The following CSMD1 variants were observed in gnomAD, a reference collection of about 807,000 sequenced individuals.
The protein encoded by CSMD1 is CUB and Sushi multiple domains 1, also known as CUB and sushi domain-containing protein 1.
In CSMD1, 213 loss-of-function variants were observed where a neutral mutation model predicts 417.5. The ratio of observed to expected loss-of-function variants is 0.51; its 90% CI spans 0.46 to 0.57. CSMD1 has a LOEUF of 0.57. Among genes scored for constraint, CSMD1 ranks in the 20% least tolerant of loss-of-function variants. The pLI is 0.00. For synonymous variants in CSMD1, 2,862 were observed against 1,736.8 expected (o/e 1.65, Z -16.11); for missense variants, 6,923 against 4,529.7 (o/e 1.53, Z -15.17).
At chr8:4,748,569 G>A (rs767889409) in intron 1 of CSMD1, among the ~76,000 whole-genome samples, 43 of 152,278 alleles carry the variant, frequency 2.8e-4, no homozygotes, top group African/African-American at 9.1e-4. Flanking sequence ...GGATTATTGG[G>A]TTCAGCATTC....
rs115827746 is a variant in CSMD1, at chr8:3,512,299, G to C, written c.1345-18573C>G. 2.0e-4 allele frequency among the ~76,000 whole-genome samples: 30 copies of C among 152,330 alleles called. No individual in the cohort carries two copies. In the East Asian group the frequency reaches 5.8e-3, roughly 29 times the overall value. On this transcript the variant is annotated intron_variant, in intron 10 of 69. Transcript: ENST00000635120. ...GAAGCATTCTTGAAGATGCAGTGCTGAGTTTAGCAACTTATTTGTTCTATA... is the reference window on the plus strand; with the variant it reads ...GAAGCATTCTTGAAGATGCAGTGCTCAGTTTAGCAACTTATTTGTTCTATA...
rs143893862 is a variant in CSMD1 at position 3,620,471 on chromosome 8, C to T, written c.1010-3674G>A. 7.2e-5 allele frequency among the ~76,000 whole-genome samples: 11 copies of T among 152,132 alleles called. No homozygotes were observed. The East Asian group carries it at 7.8e-4, about 11-fold the overall frequency. On this transcript the variant is annotated intron_variant, in intron 7 of 69. Coordinates refer to ENST00000635120, the MANE Select transcript of CSMD1 (RefSeq NM_033225.6). ...AATGCATAAAATAATTATGCATTTA[C>T]GCTAATAGTTACATTATATATAAAG...
At chr8:4,406,599 A>G (rs529238310) in intron 3 of CSMD1, among the ~76,000 whole-genome samples, 7 of 152,144 alleles carry the variant, frequency 4.6e-5, no homozygotes, top group Non-Finnish European at 1.0e-4. Context: ...TAAGACACCC[A>G]CACCAAGGAA....
chr8:4,825,493 G>A lies in CSMD1; in HGVS notation c.85+168839C>T, dbSNP rs141567705. 3.1e-3 allele frequency among the ~76,000 whole-genome samples: 474 copies of A among 152,034 alleles called. 1 individual carries two copies. Among genetic ancestry groups the A allele is most frequent in the African/African-American group, 0.011 (458 of 41,484 alleles). On this transcript the variant is annotated intron_variant, in intron 1 of 69. Coordinates refer to ENST00000635120, the MANE Select transcript of CSMD1 (RefSeq NM_033225.6). ...GAAACTTTATACCTCTTGAAAGATC[G>A]CCCGATTTTTCCTTCCCCTGGCCCC... is the stretch of plus-strand genomic sequence containing the variant.
At chr8:3,911,984 C>T (rs868569474) in intron 5 of CSMD1, among the ~76,000 whole-genome samples, 16 of 152,060 alleles carry the variant, frequency 1.1e-4, no homozygotes, top group Middle Eastern at 3.4e-3. Flanking sequence ...TTTCCTGAAC[C>T]GATAAAAATA....
chr8:4,911,277 A>G (rs147709046), intron 1 of CSMD1, among the ~76,000 whole-genome samples: 1 of 152,338 alleles, frequency 6.6e-6, no homozygotes, highest in East Asian at 1.9e-4. Context: ...ATTTCTGCCT[A>G]TACATACTGG....
chr8:4,250,397 G>T (rs1358406472), intron 3 of CSMD1, among the ~76,000 whole-genome samples: 2 of 152,112 alleles, frequency 1.3e-5, no homozygotes, highest in Admixed American at 1.3e-4. Flanking sequence ...ATAAGATGCT[G>T]GTTGAGGATC....
At chr8:4,910,682 T>C (rs904574253) in intron 1 of CSMD1, among the ~76,000 whole-genome samples, 1 of 152,176 alleles carries the variant, frequency 6.6e-6, no homozygotes, top group Non-Finnish European at 1.5e-5. Flanking sequence ...GGCACAAACA[T>C]TCAGTCATAG....
At chr8:3,872,286 G>A (rs568699972) in intron 5 of CSMD1, among the ~76,000 whole-genome samples, 61 of 152,192 alleles carry the variant, frequency 4.0e-4, no homozygotes, top group Non-Finnish European at 8.1e-4. Context: ...TCAGGTTTGG[G>A]GTCACCCTGT....
chr8:3,536,574 T>C (rs185058690), intron 10 of CSMD1, among the ~76,000 whole-genome samples: 1 of 152,200 alleles, frequency 6.6e-6, no homozygotes, highest in Non-Finnish European at 1.5e-5. Flanking sequence ...AATTCAGTAC[T>C]TGGTAGTCAC....
intron 10 of CSMD1, among the ~76,000 whole-genome samples, chr8:3,550,522 G>C (rs558317997): frequency 3.3e-5 from 5 of 152,302 alleles, no homozygotes; most frequent in Admixed American, 2.0e-4. Flanking sequence ...ATAAGGTGTA[G>C]TGATTCACTC....
chr8:4,756,953 T>A (rs1292772709), intron 1 of CSMD1, among the ~76,000 whole-genome samples: 2 of 152,240 alleles, frequency 1.3e-5, no homozygotes, highest in Non-Finnish European at 2.9e-5. Context: ...AAGAAACCTG[T>A]TCAAACACAT....
chr8:4,204,847 G>A (rs530115504), intron 3 of CSMD1, among the ~76,000 whole-genome samples: 53 of 152,012 alleles, frequency 3.5e-4, no homozygotes, highest in African/African-American at 1.3e-3. Flanking sequence ...TTTTTACAAA[G>A]ACAGGGTATC....
At chr8:4,627,009 T>C (rs967699427) in intron 2 of CSMD1, among the ~76,000 whole-genome samples, 6 of 152,208 alleles carry the variant, frequency 3.9e-5, no homozygotes, top group Admixed American at 2.0e-4. Flanking sequence ...AATTGCTTCA[T>C]ACTCTAAGTA....
At chr8:4,357,430 G>A (rs879455409) in intron 3 of CSMD1, among the ~76,000 whole-genome samples, 1 of 152,040 alleles carries the variant, frequency 6.6e-6, no homozygotes, top group East Asian at 1.9e-4. Context: ...AATATTAAGA[G>A]TTTATATTTT....
chr8:3,082,717 G>A (rs554449996), intron 49 of CSMD1, among the ~76,000 whole-genome samples: 3 of 152,260 alleles, frequency 2.0e-5, no homozygotes, highest in South Asian at 2.1e-4. Flanking sequence ...AGTTAACATC[G>A]CTTTGCCTGT....
intron 3 of CSMD1, among the ~76,000 whole-genome samples, chr8:4,273,435 A>G (rs960878183): frequency 2.0e-5 from 3 of 152,248 alleles, no homozygotes; most frequent in Non-Finnish European, 4.4e-5. Context: ...ATACTTTTTT[A>G]TCTTCAACTC....
At chr8:4,645,895 C>A (rs1381355967) in intron 1 of CSMD1, among the ~76,000 whole-genome samples, 1 of 152,098 alleles carries the variant, frequency 6.6e-6, no homozygotes, top group Non-Finnish European at 1.5e-5. Context: ...AAACATTGTA[C>A]TTAAAATATG....
intron 1 of CSMD1, among the ~76,000 whole-genome samples, chr8:4,717,335 A>C (rs1563208068): frequency 2.2e-5 from 3 of 134,422 alleles, no homozygotes; most frequent in African/African-American, 9.8e-5. Context: ...ATACACACAC[A>C]CACGTATATA....
Sources: gnomAD v4.1 joint callset for allele counts (sites outside exome capture counted in the v4.1 genomes callset) on GRCh38, gnomAD v4.1.1 for gene constraint, MANE v1.5 for transcripts, NCBI Gene and HGNC (gene_info 2026-07-23, HGNC 2026-07-21) for gene names.